The following GSTM3 variants were observed in gnomAD, a reference collection of about 807,000 sequenced individuals.
GSTM3 encodes the protein GST class-mu 3.
GSTM3 carries 34 observed loss-of-function variants against 36.1 expected under a neutral mutation model. The observed-to-expected ratio is 0.94, with a 90% CI of 0.72 to 1.25. The LOEUF (loss-of-function observed/expected upper bound fraction) is 1.25, where lower values mean the gene tolerates loss of function less well. GSTM3 is among the 50% of genes most tolerant of loss of function. The probability of loss-of-function intolerance (pLI) is 0.00; values close to 1 mark genes in which losing one functional copy is unlikely to be tolerated. For synonymous variants in GSTM3, 102 were observed against 99.5 expected (o/e 1.03, Z -0.15); for missense variants, 266 against 281.6 (o/e 0.94, Z 0.40).
intron 1 of GSTM3, 113 bp downstream of exon 1, chr1:109,740,840 C>G: frequency 6.2e-6 from 1 of 160,438 alleles, no homozygotes; most frequent in Admixed American, 5.9e-5. Context: ...AGTCCTGTCT[C>G]TCCCTCAGCC....
chr1:109,738,094 G>A lies in GSTM3; in HGVS notation c.369C>T (p.Asp123=), dbSNP rs755492784. ...TQLIRLCYSS[D]HEKLKPQYLE... ...GATGTGTGCTAAGGAAACTCACGTG[G>A]TCAGAGCTGTAACAGAGCCTTATCA... Residue 123 remains aspartate (D), a synonymous_variant, in exon 6 of 9, where the codon GAC becomes GAT. Transcript: ENST00000361066. 1.2e-6 allele frequency: 2 copies of A among 1,604,864 alleles called. No homozygotes were observed. The highest frequency in any genetic ancestry group is 1.7e-6 in the Non-Finnish European group (2 of 1,171,572).
Position 109,737,113 on chromosome 1 carries a change from G to A in GSTM3, c.636C>T (p.Ile212=). The change falls in exon 9 of 9, where the codon ATC becomes ATT. Residue 212 remains isoleucine, a synonymous_variant. Transcript: ENST00000361066. ...TGCCCCACTGGGCCATCTTGTTGTT[G>A]ATGGGCATCTTGCAGAACTGATCAG... ...LQSDQFCKMP[I]NNKMAQWGNK... The A allele has an allele frequency of 6.2e-7, 1 of 1,613,800 alleles. No homozygotes were observed. Among genetic ancestry groups the A allele is most frequent in the East Asian group, 2.2e-5 (1 of 44,884 alleles).
chr1:109,736,254 C>T lies in GSTM3; in HGVS notation c.*817G>A, dbSNP rs1475005462. ...TCAGTTGTCTTAATGATTTATAGGT[C>T]TTTATATAATCTTTATACTAGTGCT... On this transcript the variant is annotated 3_prime_UTR_variant, in exon 9 of 9. Transcript: ENST00000361066. The T allele has an allele frequency of 2.0e-5, 3 of 152,000 alleles. No individual in the cohort carries two copies. The highest frequency in any genetic ancestry group is 7.2e-5 in the African/African-American group (3 of 41,390). The allele number at this position is 152,000 out of a possible 1,614,324, so 9.4% of individuals were successfully genotyped here.
rs942410464 is a variant in GSTM3, at chr1:109,734,535, C to T, written c.*2536G>A. The T allele has an allele frequency of 3.3e-5, 5 of 152,216 alleles. No individual in the cohort carries two copies. The highest frequency in any genetic ancestry group is 5.9e-5 in the Non-Finnish European group (4 of 68,046). The allele number at this position is 152,216 out of a possible 1,614,324, so 9.4% of individuals were successfully genotyped here. ...CCTTTTTGATTTCTGGTCATATCAT[C>T]GATCTAGCCCCAGGGGCATCCTCAA... On this transcript the variant is annotated 3_prime_UTR_variant, in exon 9 of 9. Coordinates refer to ENST00000361066, the MANE Select transcript of GSTM3 (RefSeq NM_000849.5).
intron 2 of GSTM3, 141 bp from the exon 3 acceptor site, chr1:109,740,049 C>T: frequency 2.3e-6 from 2 of 877,648 alleles, no homozygotes; most frequent in Non-Finnish European, 3.6e-6. Flanking sequence ...CCGGCTCCGG[C>T]GTGGTCTCCT....
At chr1:109,739,103 A>G (rs1034283164) in intron 4 of GSTM3, among the ~76,000 whole-genome samples, 6 of 152,220 alleles carry the variant, frequency 3.9e-5, no homozygotes, top group Non-Finnish European at 8.8e-5. Flanking sequence ...CCTGAGCGAC[A>G]GAGTGAGACA....
rs1649322414 is a variant in GSTM3, at chr1:109,740,028, G to A, written c.49-120C>T. On this transcript the variant is annotated intron_variant, in intron 2 of 8. Transcript: ENST00000361066. ...CGTCCTGCCGGGGCGGTGGTTAAGC[G>A]GCCCCTAGGCCCGGCTCCGGCGTGG... is the stretch of plus-strand genomic sequence containing the variant. 6.5e-6 allele frequency: 6 copies of A among 925,322 alleles called. No individual in the cohort carries two copies. The Admixed American group carries it at 8.6e-5, about 13-fold the overall frequency. The allele number at this position is 925,322 out of a possible 1,614,324, so 57.3% of individuals were successfully genotyped here.
At chr1:109,740,143 G>C (rs1450126277) in intron 2 of GSTM3, 97 bp downstream of exon 2, 3 of 1,156,944 alleles carry the variant, frequency 2.6e-6, no homozygotes, top group Middle Eastern at 1.9e-4. Context: ...AGGCTCCCGC[G>C]TAGAGCTGCT....
In GSTM3 at chr1:109,735,567, G is replaced by T. The variant is rs56108374; in HGVS notation, c.*1504C>A. 6.6e-6 allele frequency: 1 copy of T among 151,014 alleles called. No individual in the cohort carries two copies. Among genetic ancestry groups the T allele is most frequent in the African/African-American group, 2.4e-5 (1 of 40,980 alleles). 9.4% of individuals were successfully genotyped at this position (151,014 alleles called of 1,614,324 possible). ...CCATAGTATTGACAGGTATTTACAC[G>T]GTTTCCACTTATTTGTCATTACAGA... On this transcript the variant is annotated 3_prime_UTR_variant, in exon 9 of 9. Transcript: ENST00000361066.
chr1:109,740,216 C>G, intron 2 of GSTM3, 24 bp downstream of exon 2: 1 of 1,607,254 alleles, frequency 6.2e-7, no homozygotes, highest in Non-Finnish European at 8.5e-7. Flanking sequence ...GACCGAGCGG[C>G]TCTACCGTTG....
At chr1:109,737,220 G>T in intron 8 of GSTM3, 51 bp from the exon 9 acceptor site, 1 of 1,242,760 alleles carries the variant, frequency 8.0e-7, no homozygotes. Context: ...CAGTCCAACA[G>T]ATGCATACCA....
At position 109,738,266 on chromosome 1, in the gene GSTM3, C is replaced by T. The variant is rs1228302823; in HGVS notation, c.271+19G>A. On this transcript the variant is annotated intron_variant, in intron 5 of 8. Transcript: ENST00000361066. ...CAAACTACCAGCCTGGGGTCCCTCA[C>T]CAGCCCTACCCCACTCACACATGTT... 1.9e-6 allele frequency: 3 copies of T among 1,608,044 alleles called. No homozygotes were observed. The highest frequency in any genetic ancestry group is 2.2e-5 in the East Asian group (1 of 44,864).
In GSTM3 at chr1:109,735,675, G is replaced by A. The variant is rs564628036; in HGVS notation, c.*1396C>T. 134 of 108,486 alleles carry A rather than the reference G, an allele frequency of 1.2e-3. 1 individual carries two copies. The highest frequency in any genetic ancestry group is 4.2e-3 in the African/African-American group (116 of 27,372). 6.7% of individuals were successfully genotyped at this position (108,486 alleles called of 1,614,324 possible). On this transcript the variant is annotated 3_prime_UTR_variant, in exon 9 of 9. Coordinates refer to ENST00000361066, the MANE Select transcript of GSTM3 (RefSeq NM_000849.5). ...TTTTTTTTTTTTGAGACAGAGTCTCGCCCTGTAGCCAGGCTGGAGTGCAGT... is the reference window on the plus strand; with the variant it reads ...TTTTTTTTTTTTGAGACAGAGTCTCACCCTGTAGCCAGGCTGGAGTGCAGT...
Position 109,740,316 on chromosome 1 carries a change from T to C in GSTM3, c.-29A>G. The C allele has an allele frequency of 1.2e-6, 2 of 1,607,558 alleles. No homozygotes were observed. The highest frequency in any genetic ancestry group is 1.3e-5 in the African/African-American group (1 of 74,892). On this transcript the variant is annotated 5_prime_UTR_variant, in exon 2 of 9. Coordinates refer to ENST00000361066, the MANE Select transcript of GSTM3 (RefSeq NM_000849.5). Reference sequence around the variant, plus strand: ...GACGGGCTTCCGAGCCTTCGAGGACTAGGGAAACTGTGAGCGGGAGGGGCT... The same window carrying C: ...GACGGGCTTCCGAGCCTTCGAGGACCAGGGAAACTGTGAGCGGGAGGGGCT...
At position 109,739,419 on chromosome 1, in the gene GSTM3, A is replaced by G; in HGVS notation, c.189+10T>C. 3 of 1,604,198 alleles carry G rather than the reference A, an allele frequency of 1.9e-6. No homozygotes were observed. Among genetic ancestry groups the G allele is most frequent in the Non-Finnish European group, 2.6e-6 (3 of 1,171,604 alleles). ...CCCTTCTGCCCGCCACCTCTACTAA[A>G]GCCACTTACATTAGGAAAGTCCAGG... On this transcript the variant is annotated intron_variant, in intron 4 of 8. Coordinates refer to ENST00000361066, the MANE Select transcript of GSTM3 (RefSeq NM_000849.5).
At position 109,736,677 on chromosome 1, in the gene GSTM3, G is replaced by C. The variant is rs1171476326; in HGVS notation, c.*394C>G. The C allele has an allele frequency of 5.7e-6, 1 of 174,402 alleles. No individual in the cohort carries two copies. Among genetic ancestry groups the C allele is most frequent in the Non-Finnish European group, 1.2e-5 (1 of 82,360 alleles). 10.8% of individuals were successfully genotyped at this position (174,402 alleles called of 1,614,324 possible). The stretch of plus-strand genomic sequence containing the variant: ...CACACTAAACTCCCATGTGTACACA[G>C]GACGGTTTCCGAACTCCGGTTAAGT... On this transcript the variant is annotated 3_prime_UTR_variant, in exon 9 of 9. Transcript: ENST00000361066.
At chr1:109,740,011 CG>C (rs1649321975) in intron 2 of GSTM3, 103 bp from the exon 3 acceptor site, 1 of 1,060,090 alleles carries the variant, frequency 9.4e-7, no homozygotes, top group African/African-American at 1.6e-5. Flanking sequence ...TGCGTCCTGC[CG>C]GGGCGGTGGT....
rs762286709 is a variant in GSTM3 at position 109,737,027 on chromosome 1, C to T, written c.*44G>A. ...GCAAAGCAAGAGCGCTGACCCCTTACGGACAGGATGAAACAAAACAAGCTC... is the reference window on the plus strand; with the variant it reads ...GCAAAGCAAGAGCGCTGACCCCTTATGGACAGGATGAAACAAAACAAGCTC... On this transcript the variant is annotated 3_prime_UTR_variant, in exon 9 of 9. Transcript: ENST00000361066. 1.1e-5 allele frequency: 14 copies of T among 1,224,238 alleles called. No homozygotes were observed. Among genetic ancestry groups the T allele is most frequent in the African/African-American group, 4.4e-5 (3 of 67,790 alleles). The allele number at this position is 1,224,238 out of a possible 1,614,324, so 75.8% of individuals were successfully genotyped here.
chr1:109,737,549 G>C lies in GSTM3; in HGVS notation c.487C>G (p.Leu163Val). The C allele has an allele frequency of 6.2e-7, 1 of 1,612,470 alleles. No homozygotes were observed. Among genetic ancestry groups the C allele is most frequent in the Non-Finnish European group, 8.5e-7 (1 of 1,178,644 alleles). Residue 163 changes from leucine (L) to valine (V), a missense_variant, in exon 8 of 9, where the codon CTC (leucine) becomes GTC (valine). By Grantham distance (32) the Leu-to-Val change is conservative (BLOSUM62 1). Coordinates refer to ENST00000361066, the MANE Select transcript of GSTM3 (RefSeq NM_000849.5). The part of the protein sequence containing the change: ...AGEKLTFVDF[L>V]TYDILDQNRI... Reference sequence around the variant, plus strand: ...TTCTGATCCAAGATATCATAGGTGAGAAAATCCACAAAGGTGAGCTAGAAG... The same window carrying C: ...TTCTGATCCAAGATATCATAGGTGACAAAATCCACAAAGGTGAGCTAGAAG...
Sources: allele counts gnomAD v4.1 joint callset (sites outside exome capture counted in the v4.1 genomes callset), GRCh38; gene constraint gnomAD v4.1.1; transcripts MANE v1.5; gene names NCBI Gene and HGNC (gene_info 2026-07-23, HGNC 2026-07-21).